Variants in SHMT1 observed in about 807,000 individuals in gnomAD.
SHMT1 encodes the protein serine hydroxymethyltransferase 1.
In SHMT1, 45 loss-of-function variants were observed where a neutral mutation model predicts 49.0. The ratio of observed to expected loss-of-function variants is 0.92; its 90% CI spans 0.72 to 1.18. SHMT1 has a LOEUF of 1.18. Among genes scored for constraint, SHMT1 ranks in the 50% most tolerant of loss-of-function variants. SHMT1 has a pLI of 0.00. For missense variants in SHMT1, 541 were observed against 612.4 expected, an observed-to-expected ratio of 0.88 and a Z score of 1.23; for synonymous variants, 232 against 246.6, an observed-to-expected ratio of 0.94 and a Z score of 0.55.
chr17:18,353,110 T>C (rs1454939551), intron 3 of SHMT1, among the ~76,000 whole-genome samples: 1 of 152,178 alleles, frequency 6.6e-6, no homozygotes, highest in Non-Finnish European at 1.5e-5. Context: ...AATGCACACA[T>C]TTGCAAAAGC....
chr17:18,340,360 C>T lies in SHMT1; in HGVS notation c.602-105G>A. 1.6e-6 allele frequency: 2 copies of T among 1,253,300 alleles called. No individual in the cohort carries two copies. Among genetic ancestry groups the T allele is most frequent in the Non-Finnish European group, 2.3e-6 (2 of 874,640 alleles). 77.6% of individuals were successfully genotyped at this position (1,253,300 alleles called of 1,614,324 possible). ...TGCAGATCTGAAAGCCCAGAGATTT[C>T]TTCCCTTAAAGTCTCAGAGCAAAAA... On this transcript the variant is annotated intron_variant, in intron 6 of 11. Transcript: ENST00000316694. This position sits in a 1 kb window ranked among gnomAD's most constrained non-coding sequence, Gnocchi z 4.5.
Position 18,340,104 on chromosome 17 carries a change from C to T in SHMT1, c.753G>A (p.Val251=), listed in dbSNP as rs141575508. The T allele has an allele frequency of 1.9e-4, 307 of 1,614,124 alleles. No homozygotes were observed. The African/African-American group carries it at 3.8e-3, about 20-fold the overall frequency. The change falls in exon 7 of 12, where the codon GTG becomes GTA. Residue 251 remains valine, a synonymous_variant. Coordinates refer to ENST00000316694, the MANE Select transcript of SHMT1 (RefSeq NM_004169.5). This position sits in a 1 kb window ranked among gnomAD's most constrained non-coding sequence, Gnocchi z 4.5. ...VPSPFEHCHV[V]TTTTHKTLRG... ...GCAGGGTCTTGTGAGTGGTGGTGGT[C>T]ACCACATGGCAGTGTTCAAATGGGG...
rs887752397 is a variant in SHMT1, at chr17:18,340,765, C to G, written c.568G>C (p.Ala190Pro). 1.2e-6 allele frequency: 2 copies of G among 1,613,120 alleles called. No individual in the cohort carries two copies. ...ATCAGCTTCGGGTGGAAGAGGCGTGCGTTCTCCTCCAGCTGGTCATAGTTG... is the reference window on the plus strand; with the variant it reads ...ATCAGCTTCGGGTGGAAGAGGCGTGGGTTCTCCTCCAGCTGGTCATAGTTG... ...YINYDQLEENARLFHPKLIIA... is the reference protein window; with the variant it reads ...YINYDQLEENPRLFHPKLIIA... The change falls in exon 6 of 12, where the codon GCA becomes CCA. Residue 190 changes from alanine (A) to proline (P), a missense_variant. Ala to Pro is a conservative substitution (Grantham distance 27). Coordinates refer to ENST00000316694, the MANE Select transcript of SHMT1 (RefSeq NM_004169.5). The surrounding 1 kb of genome is among the most constrained non-coding windows in gnomAD (Gnocchi z 4.5).
intron 1 of SHMT1, among the ~76,000 whole-genome samples, chr17:18,357,279 CAAAAAAAAAAAAA>C (rs10560620): frequency 3.4e-4 from 30 of 89,538 alleles, no homozygotes; most frequent in East Asian, 1.3e-3. Context: ...GACTCCACCT[CAAAAAAAAAAAAA>C]AAAAAAAAAA....
Position 18,328,891 on chromosome 17 carries a change from G to C in SHMT1, c.1311C>G (p.Ser437Arg). 3.1e-6 allele frequency: 5 copies of C among 1,613,906 alleles called. No homozygotes were observed. Among genetic ancestry groups the C allele is most frequent in the Non-Finnish European group, 4.2e-6 (5 of 1,179,994 alleles). Residue 437 changes from serine (S) to arginine (R), a missense_variant, in exon 12 of 12, where the codon AGC (serine) becomes AGG (arginine). Ser to Arg is a moderately radical substitution (Grantham distance 110, BLOSUM62 -1). Coordinates refer to ENST00000316694, the MANE Select transcript of SHMT1 (RefSeq NM_004169.5). ...TCAGGGTGGCTCTGACACCAGTGTCGCTCTGGATCTGCAGGGTCAGCTCTA... is the reference window on the plus strand; with the variant it reads ...TCAGGGTGGCTCTGACACCAGTGTCCCTCTGGATCTGCAGGGTCAGCTCTA... ...RGIELTLQIQ[S>R]DTGVRATLKE...
At chr17:18,357,940 T>A (rs1214639280) in intron 1 of SHMT1, among the ~76,000 whole-genome samples, 1 of 146,412 alleles carries the variant, frequency 6.8e-6, no homozygotes, top group Non-Finnish European at 1.5e-5. Context: ...CTCGGCTCAC[T>A]GCAAGCTCCA....
At chr17:18,332,534 G>A (rs1260124236) in intron 9 of SHMT1, 5 of 175,850 alleles carry the variant, frequency 2.8e-5, no homozygotes, top group Non-Finnish European at 6.2e-5. Context: ...GTATAAAGTC[G>A]CCCTTCCTCC....
chr17:18,333,363 G>C, intron 8 of SHMT1, 75 bp from the exon 9 acceptor site: 1 of 1,468,300 alleles, frequency 6.8e-7, no homozygotes, highest in Non-Finnish European at 9.4e-7. Flanking sequence ...CAACATTCCT[G>C]TTTTTACTCA....
chr17:18,349,727 A>AT (rs1451382945), intron 3 of SHMT1, among the ~76,000 whole-genome samples: 1 of 148,560 alleles, frequency 6.7e-6, no homozygotes, highest in East Asian at 2.0e-4. Flanking sequence ...TCTAAAAAAA[A>AT]TAAATAGGCC....
Position 18,340,024 on chromosome 17 carries a change from C to G in SHMT1, c.814+19G>C, listed in dbSNP as rs757148425. ...TGTAAACCATGGTACCCATCTGTACCCAACATTCGGGAGCTCACCTTTCCT... is the reference window on the plus strand; with the variant it reads ...TGTAAACCATGGTACCCATCTGTACGCAACATTCGGGAGCTCACCTTTCCT... On this transcript the variant is annotated intron_variant, in intron 7 of 11. Coordinates refer to ENST00000316694, the MANE Select transcript of SHMT1 (RefSeq NM_004169.5). This position sits in a 1 kb window ranked among gnomAD's most constrained non-coding sequence, Gnocchi z 4.5. The G allele has an allele frequency of 1.2e-6, 2 of 1,610,444 alleles. No individual in the cohort carries two copies. Among genetic ancestry groups the G allele is most frequent in the South Asian group, 2.2e-5 (2 of 91,036 alleles).
rs370650805 is a variant in SHMT1, at chr17:18,333,259, T to C, written c.961A>G (p.Thr321Ala). The C allele has an allele frequency of 1.5e-5, 25 of 1,613,476 alleles. No individual in the cohort carries two copies. Among genetic ancestry groups the C allele is most frequent in the Non-Finnish European group, 1.9e-5 (23 of 1,179,958 alleles). ...TGTTGATAAACTTTAAATTCCAGAG[T>C]CATAGCTTGCTTCAGTGCCACAGCA... ...GVAVALKQAM[T>A]LEFKVYQHQV... Residue 321 changes from threonine to alanine, a missense_variant, in exon 9 of 12, where the codon ACT (threonine) becomes GCT (alanine). By Grantham distance (58) the Thr-to-Ala change is moderately conservative. Transcript: ENST00000316694.
At chr17:18,345,859 T>G (rs1180331996) in intron 5 of SHMT1, among the ~76,000 whole-genome samples, 2 of 151,410 alleles carry the variant, frequency 1.3e-5, no homozygotes. Context: ...TTTTTGTATT[T>G]TTAGTAGAGA....
chr17:18,350,628 C>G (rs968317138), intron 3 of SHMT1, among the ~76,000 whole-genome samples: 1 of 151,966 alleles, frequency 6.6e-6, no homozygotes, highest in African/African-American at 2.4e-5. Context: ...GACAACGAGA[C>G]CTTGTCATTC....
intron 2 of SHMT1, 31 bp from the exon 3 acceptor site, chr17:18,353,848 TG>T: frequency 6.2e-7 from 1 of 1,611,812 alleles, no homozygotes; most frequent in Non-Finnish European, 8.5e-7. Flanking sequence ...GCTTGATATT[TG>T]GAAATTTTAG....
chr17:18,347,332 G>T (rs1985185097), intron 5 of SHMT1, among the ~76,000 whole-genome samples, 164 bp downstream of exon 5: 1 of 152,216 alleles, frequency 6.6e-6, no homozygotes, highest in South Asian at 2.1e-4. Flanking sequence ...AGCTGCCCCA[G>T]CGGGTCCTGA....
intron 1 of SHMT1, chr17:18,363,093 C>T (rs2151616864): frequency 6.6e-6 from 1 of 152,416 alleles, no homozygotes; most frequent in Middle Eastern, 3.4e-3. Context: ...CAGTGGAGAG[C>T]TACTACTCAC....
At position 18,330,534 on chromosome 17, in the gene SHMT1, GAAGGC is replaced by G. The variant is rs1457394007; in HGVS notation, c.1171+16_1171+20del. 6.6e-7 allele frequency: 1 copy of G among 1,506,642 alleles called. No homozygotes were observed. 93.3% of individuals were successfully genotyped at this position (1,506,642 alleles called of 1,614,324 possible). Reference sequence around the variant, plus strand: ...ATGCAGATGGGAGAGGAGTGAAGGAGAAGGCAAGGATGATTCTCACCTGGACAGGT... The same window carrying G: ...ATGCAGATGGGAGAGGAGTGAAGGAGAAGGATGATTCTCACCTGGACAGGT... On this transcript the variant is annotated intron_variant, in intron 10 of 11. Coordinates refer to ENST00000316694, the MANE Select transcript of SHMT1 (RefSeq NM_004169.5).
intron 4 of SHMT1, among the ~76,000 whole-genome samples, chr17:18,347,919 T>G (rs1339617189): frequency 4.0e-5 from 6 of 150,628 alleles, no homozygotes; most frequent in African/African-American, 1.2e-4. Flanking sequence ...TGGCAGTTTT[T>G]TTTTTTTTTT....
At chr17:18,333,143 C>A (rs1034425187) in intron 9 of SHMT1, 23 bp downstream of exon 9, 1 of 1,613,560 alleles carries the variant, frequency 6.2e-7, no homozygotes, top group Non-Finnish European at 8.5e-7. Flanking sequence ...AACAGGCCTG[C>A]TGAACACCAT....
Sources: gnomAD v4.1 joint callset for allele counts (sites outside exome capture counted in the v4.1 genomes callset) on GRCh38, gnomAD v4.1.1 for gene constraint, Gnocchi (gnomAD v3.1) non-coding constraint, MANE v1.5 for transcripts, NCBI Gene and HGNC (gene_info 2026-07-23, HGNC 2026-07-21) for gene names.